MGAT5B: variants seen among roughly 807,000 people sequenced by gnomAD.
MGAT5B encodes the protein alpha-1,6-mannosylglycoprotein 6-beta-N-acetylglucosaminyltransferase B, also known as N-acetylglucosaminyl-transferase Vb.
Under a neutral mutation model 95.1 loss-of-function variants are expected in MGAT5B, and 54 were observed. The observed-to-expected ratio is 0.57, with a 90% CI of 0.46 to 0.71. The LOEUF (loss-of-function observed/expected upper bound fraction) is 0.71. MGAT5B is among the 30% of genes least tolerant of loss of function. MGAT5B has a pLI of 0.00. For synonymous variants in MGAT5B, 464 were observed against 451.0 expected (o/e 1.03, Z -0.36); for missense variants, 935 against 1,088.6 (o/e 0.86, Z 1.99).
chr17:76,902,778 G>A (rs1968364508), intron 4 of MGAT5B, 108 bp downstream of exon 4: 2 of 877,088 alleles, frequency 2.3e-6, no homozygotes, highest in Non-Finnish European at 3.5e-6. Flanking sequence ...GACTTCTCCT[G>A]ACAGCAGCTC....
rs1967805158 is a variant in MGAT5B, at chr17:76,889,897, C to T, written c.329+7599C>T. On this transcript the variant is annotated intron_variant, in intron 3 of 17. Coordinates refer to ENST00000569840, the MANE Select transcript of MGAT5B (RefSeq NM_001199172.2). This position sits in a 1 kb window ranked among gnomAD's most constrained non-coding sequence, Gnocchi z 4.4. ...CTGCCGGGCTGGGAGGGAGGTGGGA[C>T]CCTTCAGGCTGCAAGTATGTCCTGT... 6.6e-6 allele frequency among the ~76,000 whole-genome samples: 1 copy of T among 152,210 alleles called. No homozygotes were observed. Among genetic ancestry groups the T allele is most frequent in the South Asian group, 2.1e-4 (1 of 4,832 alleles).
intron 8 of MGAT5B, 31 bp from the exon 9 acceptor site, chr17:76,924,935 G>A: frequency 6.2e-7 from 1 of 1,610,558 alleles, no homozygotes; most frequent in Non-Finnish European, 8.5e-7. Context: ...GGGTTTCTTG[G>A]GGCCCAGAAT....
At chr17:76,890,078 A>T (rs937131743) in intron 3 of MGAT5B, among the ~76,000 whole-genome samples, 1 of 152,232 alleles carries the variant, frequency 6.6e-6, no homozygotes, top group Non-Finnish European at 1.5e-5. Context: ...ATCATGTGCC[A>T]TGGCCTGGGC....
intron 2 of MGAT5B, among the ~76,000 whole-genome samples, chr17:76,880,207 C>T (rs1421079502): frequency 1.3e-5 from 2 of 152,164 alleles, no homozygotes; most frequent in African/African-American, 4.8e-5. Context: ...CCCCCTGCTC[C>T]CATTCATGCC....
chr17:76,896,114 C>A (rs1349996830), intron 3 of MGAT5B, among the ~76,000 whole-genome samples: 2 of 152,214 alleles, frequency 1.3e-5, no homozygotes, highest in Non-Finnish European at 2.9e-5. Flanking sequence ...GGCCACCATC[C>A]CCCCAGTCCA....
At chr17:76,884,438 T>C (rs1259517916) in intron 3 of MGAT5B, among the ~76,000 whole-genome samples, 1 of 152,050 alleles carries the variant, frequency 6.6e-6, no homozygotes, top group Non-Finnish European at 1.5e-5. Context: ...TATTTATTTA[T>C]TTATTTTTTT....
In MGAT5B at chr17:76,889,203, G is replaced by C. The variant is rs1461346009; in HGVS notation, c.329+6905G>C. 6.6e-6 allele frequency among the ~76,000 whole-genome samples: 1 copy of C among 152,122 alleles called. No individual in the cohort carries two copies. The highest frequency in any genetic ancestry group is 1.5e-5 in the Non-Finnish European group (1 of 68,022). On this transcript the variant is annotated intron_variant, in intron 3 of 17. Coordinates refer to ENST00000569840, the MANE Select transcript of MGAT5B (RefSeq NM_001199172.2). The surrounding 1 kb of genome is among the most constrained non-coding windows in gnomAD (Gnocchi z 4.4). The stretch of plus-strand genomic sequence containing the variant: ...TGGCGCAGGGGCAGTGTCAGCCCTG[G>C]GAGCTCGCCGTGTGACCTTGGGAAA...
chr17:76,926,300 G>T (rs368137076), intron 9 of MGAT5B, among the ~76,000 whole-genome samples: 1 of 152,278 alleles, frequency 6.6e-6, no homozygotes, highest in East Asian at 1.9e-4. Context: ...CTTCTGGGTG[G>T]CAGTAATGGC....
chr17:76,883,033 C>G (rs1237408439), intron 3 of MGAT5B, among the ~76,000 whole-genome samples: 1 of 151,090 alleles, frequency 6.6e-6, no homozygotes, highest in African/African-American at 2.4e-5. Context: ...TTGAGACACT[C>G]TTACTCTGGG....
chr17:76,919,136 C>T (rs975747663), intron 8 of MGAT5B, among the ~76,000 whole-genome samples: 1 of 152,206 alleles, frequency 6.6e-6, no homozygotes, highest in African/African-American at 2.4e-5. Flanking sequence ...TTTTTCATTG[C>T]CAGAATTCAG....
intron 3 of MGAT5B, among the ~76,000 whole-genome samples, chr17:76,890,623 C>A (rs1182150987): frequency 6.6e-6 from 1 of 152,090 alleles, no homozygotes; most frequent in Non-Finnish European, 1.5e-5. Context: ...CCTGCCCTAG[C>A]CTCCTGAGTA....
chr17:76,878,587 A>G (rs1967285195), intron 2 of MGAT5B, among the ~76,000 whole-genome samples: 1 of 151,876 alleles, frequency 6.6e-6, no homozygotes. Context: ...CAATCCTCCC[A>G]CCTCAGCCCT....
chr17:76,880,758 CAG>C (rs1967382225), intron 2 of MGAT5B, among the ~76,000 whole-genome samples: 1 of 152,164 alleles, frequency 6.6e-6, no homozygotes, highest in Admixed American at 6.5e-5. Context: ...TACATGGTCT[CAG>C]GGCTCCCCAG....
intron 3 of MGAT5B, among the ~76,000 whole-genome samples, chr17:76,888,425 G>A (rs373151064): frequency 1.3e-4 from 20 of 152,174 alleles, no homozygotes; most frequent in African/African-American, 1.9e-4. Context: ...CAGGTCTCCC[G>A]GTATGCGTGT....
rs1440702914 is a variant in MGAT5B at position 76,872,691 on chromosome 17, G to A, written c.69-160G>A. ...GCTCTCTTTATCCTATAGTGGGGGG[G>A]CCCTCCTGGGTCTGGAGCTCAGCCC... is the stretch of plus-strand genomic sequence containing the variant. On this transcript the variant is annotated intron_variant, in intron 1 of 17. Transcript: ENST00000569840. 3.3e-6 allele frequency: 5 copies of A among 1,534,600 alleles called. No homozygotes were observed. In the East Asian group the frequency reaches 9.8e-5, roughly 30 times the overall value.
In MGAT5B at chr17:76,905,095, C is replaced by A. The variant is rs508628; in HGVS notation, c.691-74C>A. 7 of 1,485,276 alleles carry A rather than the reference C, an allele frequency of 4.7e-6. No individual in the cohort carries two copies. The African/African-American group carries it at 5.6e-5, about 12-fold the overall frequency. 92.0% of individuals were successfully genotyped at this position (1,485,276 alleles called of 1,614,324 possible). A position where few individuals can be genotyped will look rare whatever the true frequency, so the allele number is the denominator to read the frequency against. On this transcript the variant is annotated intron_variant, in intron 6 of 17. Coordinates refer to ENST00000569840, the MANE Select transcript of MGAT5B (RefSeq NM_001199172.2). This position sits in a 1 kb window ranked among gnomAD's most constrained non-coding sequence, Gnocchi z 4.2. Reference sequence around the variant, plus strand: ...CAGCCTCATGGGAGGGTGCCAGCCCCTGTCCCCAGGCCAGCGGGGAATGAT... The same window carrying A: ...CAGCCTCATGGGAGGGTGCCAGCCCATGTCCCCAGGCCAGCGGGGAATGAT...
At chr17:76,902,475 T>C (rs485262) in intron 3 of MGAT5B, 80 bp from the exon 4 acceptor site, 106,911 of 1,040,042 alleles carry the variant, frequency 0.1, 7,044 homozygotes, top group Admixed American at 0.25. Context: ...CGCCTTTGCC[T>C]GTGGGCCTTA....
intron 10 of MGAT5B, 90 bp from the exon 11 acceptor site, chr17:76,932,553 AAG>A (rs1969525856): frequency 6.4e-7 from 1 of 1,563,418 alleles, no homozygotes; most frequent in Non-Finnish European, 8.7e-7. Flanking sequence ...CCCCTGCCAA[AAG>A]AGGACCTCTT....
At chr17:76,896,371 T>C (rs529920188) in intron 3 of MGAT5B, among the ~76,000 whole-genome samples, 1 of 152,360 alleles carries the variant, frequency 6.6e-6, no homozygotes, top group East Asian at 1.9e-4. Context: ...ATCTGCACTA[T>C]TTAAAGCCTG....
Sources: allele counts gnomAD v4.1 joint callset (sites outside exome capture counted in the v4.1 genomes callset), GRCh38; gene constraint gnomAD v4.1.1; non-coding constraint Gnocchi (gnomAD v3.1); transcripts MANE v1.5; gene names NCBI Gene and HGNC (gene_info 2026-07-23, HGNC 2026-07-21).